Variants in PLGRKT observed in about 807,000 individuals in gnomAD.
PLGRKT encodes plasminogen receptor (KT).
PLGRKT carries 22 observed loss-of-function variants against 18.5 expected under a neutral mutation model. The observed-to-expected ratio is 1.19, with a 90% CI of 0.85 to 1.70. The LOEUF (loss-of-function observed/expected upper bound fraction) is 1.70. Ranked by LOEUF, PLGRKT falls within the 40% of genes most tolerant of loss-of-function variation. The pLI, the probability that PLGRKT is intolerant of heterozygous loss-of-function variation, is 0.00. For synonymous variants in PLGRKT, 72 were observed against 52.8 expected (o/e 1.36, Z -1.58); for missense variants, 235 against 174.4 (o/e 1.35, Z -1.96).
chr9:5,366,150 T>C lies in PLGRKT; in HGVS notation c.82-4262A>G, dbSNP rs187668055. On this transcript the variant is annotated intron_variant, in intron 3 of 5. Transcript: ENST00000223864. ...CATCTTAAAAATCAAATTAATAAAC[T>C]TGACTGTCAAATTTTTCAATAACCA... is the stretch of plus-strand genomic sequence containing the variant. Among the ~76,000 whole-genome samples, 11 of 152,278 alleles carry C rather than the reference T, an allele frequency of 7.2e-5. 1 individual carries two copies. The highest frequency in any genetic ancestry group is 1.2e-4 in the Non-Finnish European group (8 of 68,006).
chr9:5,433,757 G>A (rs1411865192), intron 2 of PLGRKT, among the ~76,000 whole-genome samples: 8 of 136,786 alleles, frequency 5.8e-5, no homozygotes, highest in African/African-American at 8.5e-5. Context: ...GCCTTTGCCC[G>A]GCTGCCCCGT....
chr9:5,371,221 C>T (rs1010720404), intron 3 of PLGRKT, among the ~76,000 whole-genome samples: 1 of 152,128 alleles, frequency 6.6e-6, no homozygotes, highest in African/African-American at 2.4e-5. Context: ...AATATTTAGA[C>T]TTTTTCTAAA....
intron 3 of PLGRKT, among the ~76,000 whole-genome samples, chr9:5,426,933 G>A (rs879355770): frequency 6.6e-5 from 10 of 152,114 alleles, no homozygotes; most frequent in South Asian, 2.1e-4. Flanking sequence ...CTTGGAGTGC[G>A]TGCCGCTTTC....
At chr9:5,372,191 G>C (rs1055464176) in intron 3 of PLGRKT, among the ~76,000 whole-genome samples, 1 of 151,712 alleles carries the variant, frequency 6.6e-6, no homozygotes, top group Admixed American at 6.6e-5. Flanking sequence ...ATGTTGGCCA[G>C]GATAGTCTCG....
intron 3 of PLGRKT, among the ~76,000 whole-genome samples, chr9:5,389,051 G>C (rs1395693177): frequency 6.6e-6 from 1 of 151,946 alleles, no homozygotes; most frequent in Admixed American, 6.5e-5. Flanking sequence ...GTCTCAGTAA[G>C]AGGGTATTAG....
intron 3 of PLGRKT, among the ~76,000 whole-genome samples, chr9:5,363,890 T>C (rs757184737): frequency 6.6e-6 from 1 of 152,240 alleles, no homozygotes; most frequent in Non-Finnish European, 1.5e-5. Context: ...AGGTTCATTT[T>C]GAGTTCAATT....
rs189327987 is a variant in PLGRKT, at chr9:5,362,626, C to G, written c.82-738G>C. Among the ~76,000 whole-genome samples, 18 of 152,284 alleles carry G rather than the reference C, an allele frequency of 1.2e-4. 1 individual carries two copies. The South Asian group carries it at 3.7e-3, about 32-fold the overall frequency. On this transcript the variant is annotated intron_variant, in intron 3 of 5. Coordinates refer to ENST00000223864, the MANE Select transcript of PLGRKT (RefSeq NM_018465.4). ...TGATGTTTTAATTCTAAAATCTTGG[C>G]ACTACATGTCATTAGCCAAGCTAGA... is the stretch of plus-strand genomic sequence containing the variant.
chr9:5,418,839 C>T lies in PLGRKT; in HGVS notation c.81+13058G>A. ...CGCTGCACCAGGGGCATCGCACATC[C>T]TTCTGGCTGGTCCTCGTCTGCTGGA... is the stretch of plus-strand genomic sequence containing the variant. On this transcript the variant is annotated intron_variant, in intron 3 of 5. Transcript: ENST00000223864. The surrounding 1 kb of genome is among the most constrained non-coding windows in gnomAD (Gnocchi z 4.2). 9.4e-7 allele frequency: 1 copy of T among 1,061,024 alleles called. No individual in the cohort carries two copies. The highest frequency in any genetic ancestry group is 1.5e-6 in the Non-Finnish European group (1 of 688,688). The allele number at this position is 1,061,024 out of a possible 1,614,324, so 65.7% of individuals were successfully genotyped here. A position where few individuals can be genotyped will look rare whatever the true frequency, so the allele number is the denominator to read the frequency against.
At chr9:5,361,918 T>C in intron 3 of PLGRKT, 30 bp from the exon 4 acceptor site, 1 of 1,599,100 alleles carries the variant, frequency 6.3e-7, no homozygotes, top group Non-Finnish European at 8.5e-7. Context: ...CAAAGTAAAG[T>C]TACTCATCTT....
At chr9:5,371,110 T>C (rs1817506131) in intron 3 of PLGRKT, among the ~76,000 whole-genome samples, 1 of 152,228 alleles carries the variant, frequency 6.6e-6, no homozygotes. Context: ...TAACATCTTA[T>C]TATAAACAAT....
At chr9:5,433,798 G>A (rs1273898730) in intron 2 of PLGRKT, among the ~76,000 whole-genome samples, 3 of 132,140 alleles carry the variant, frequency 2.3e-5, no homozygotes, top group Admixed American at 7.3e-5. Context: ...CTGCCTGGCT[G>A]CCCCGTCTGG....
Position 5,393,940 on chromosome 9 carries a change from T to G in PLGRKT, c.82-32052A>C, listed in dbSNP as rs1267002374. On this transcript the variant is annotated intron_variant, in intron 3 of 5. Transcript: ENST00000223864. ...TGAACACTAAAAACTATACCCAGAT[T>G]TTTGACCATCTGGGAAGAAAAGCCT... 4.0e-5 allele frequency among the ~76,000 whole-genome samples: 6 copies of G among 151,846 alleles called. No homozygotes were observed. The South Asian group carries it at 8.3e-4, about 21-fold the overall frequency.
Position 5,437,792 on chromosome 9 carries a change from G to A in PLGRKT, c.-136C>T, listed in dbSNP as rs1203444582. 1 of 152,294 alleles carries A rather than the reference G, an allele frequency of 6.6e-6. No individual in the cohort carries two copies. Among genetic ancestry groups the A allele is most frequent in the Non-Finnish European group, 1.5e-5 (1 of 68,092 alleles). 9.4% of individuals were successfully genotyped at this position (152,294 alleles called of 1,614,324 possible). A position where few individuals can be genotyped will look rare whatever the true frequency, so the allele number is the denominator to read the frequency against. On this transcript the variant is annotated 5_prime_UTR_variant, in exon 1 of 6. Coordinates refer to ENST00000223864, the MANE Select transcript of PLGRKT (RefSeq NM_018465.4). ...CCTGCGGCCGGTGTTCACTCACTGG[G>A]CGGCGCTGGTGCCGGGACCAGGCGA... is the stretch of plus-strand genomic sequence containing the variant.
intron 3 of PLGRKT, among the ~76,000 whole-genome samples, chr9:5,386,617 G>A (rs897595427): frequency 1.3e-5 from 2 of 151,842 alleles, no homozygotes; most frequent in African/African-American, 2.4e-5. Flanking sequence ...AAAGAGAAAT[G>A]TGACTCTGCT....
intron 3 of PLGRKT, among the ~76,000 whole-genome samples, chr9:5,365,572 A>C (rs1212615899): frequency 6.6e-6 from 1 of 152,212 alleles, no homozygotes; most frequent in African/African-American, 2.4e-5. Flanking sequence ...GGGATGAAGA[A>C]GCTAAAGAGA....
chr9:5,396,232 ACT>A (rs1321158571), intron 3 of PLGRKT, among the ~76,000 whole-genome samples: 2 of 151,330 alleles, frequency 1.3e-5, no homozygotes, highest in African/African-American at 2.4e-5. Context: ...ATTCTGAAAG[ACT>A]CTCTCAAGTG....
intron 3 of PLGRKT, among the ~76,000 whole-genome samples, chr9:5,395,745 A>T (rs1369709586): frequency 6.6e-6 from 1 of 151,904 alleles, no homozygotes; most frequent in African/African-American, 2.4e-5. Flanking sequence ...CCAAACCAAG[A>T]TGTAGTTTCT....
chr9:5,406,574 A>G (rs1391956394), intron 3 of PLGRKT, among the ~76,000 whole-genome samples: 2 of 126,898 alleles, frequency 1.6e-5, no homozygotes, highest in Non-Finnish European at 3.2e-5. Flanking sequence ...ACATGGAGAC[A>G]GGGAGGGGAA....
chr9:5,403,230 T>TC (rs930952283), intron 3 of PLGRKT, among the ~76,000 whole-genome samples: 1 of 150,666 alleles, frequency 6.6e-6, no homozygotes, highest in Non-Finnish European at 1.5e-5. Flanking sequence ...TTTTCTTTTT[T>TC]TTTTTTTTTT....
Sources: allele counts gnomAD v4.1 joint callset (sites outside exome capture counted in the v4.1 genomes callset), GRCh38; gene constraint gnomAD v4.1.1; non-coding constraint Gnocchi (gnomAD v3.1); transcripts MANE v1.5; gene names NCBI Gene and HGNC (gene_info 2026-07-23, HGNC 2026-07-21).